The following HSF1 variants were observed in gnomAD, a reference collection of about 807,000 sequenced individuals.
HSF1 encodes heat shock transcription factor 1, also known as heat shock factor protein 1.
HSF1 carries 32 observed loss-of-function variants against 51.7 expected under a neutral mutation model. The ratio of observed to expected loss-of-function variants is 0.62; its 90% CI spans 0.47 to 0.83. HSF1 has a LOEUF of 0.83. HSF1 is among the 40% of genes least tolerant of loss of function. HSF1 has a pLI of 0.00. For synonymous variants in HSF1, 396 were observed against 309.7 expected, an observed-to-expected ratio of 1.28 and a Z score of -2.92; for missense variants, 727 against 717.0, an observed-to-expected ratio of 1.01 and a Z score of -0.16.
In HSF1 at chr8:144,291,940, G is replaced by A. The variant is rs1392007635; in HGVS notation, c.117+66G>A. On this transcript the variant is annotated intron_variant, in intron 1 of 12. Transcript: ENST00000528838. The surrounding 1 kb of genome is among the most constrained non-coding windows in gnomAD (Gnocchi z 4.1). ...AGGGAGCAGGGCCGCGGCGGACGGC[G>A]CGGGAGGGCTGCGGGGAGGGGCCCT... 9 of 849,322 alleles carry A rather than the reference G, an allele frequency of 1.1e-5. No individual in the cohort carries two copies. The highest frequency in any genetic ancestry group is 1.3e-5 in the Non-Finnish European group (8 of 607,968). The allele number at this position is 849,322 out of a possible 1,614,324, so 52.6% of individuals were successfully genotyped here.
At chr8:144,300,027 C>G (rs182300354) in intron 1 of HSF1, among the ~76,000 whole-genome samples, 33 of 152,286 alleles carry the variant, frequency 2.2e-4, no homozygotes, top group Admixed American at 3.9e-4. Context: ...TGAGATAGTT[C>G]CCCTTCGAGG....
chr8:144,299,361 C>G (rs1427166339), intron 1 of HSF1, among the ~76,000 whole-genome samples: 1 of 150,978 alleles, frequency 6.6e-6, no homozygotes, highest in Non-Finnish European at 1.5e-5. Flanking sequence ...CACATGAGCC[C>G]GGGAGGCAGA....
Position 144,291,867 on chromosome 8 carries a change from G to C in HSF1, c.110G>C (p.Trp37Ser). The C allele has an allele frequency of 6.5e-7, 1 of 1,533,838 alleles. No homozygotes were observed. Among genetic ancestry groups the C allele is most frequent in the Non-Finnish European group, 8.7e-7 (1 of 1,145,130 alleles). The change falls in exon 1 of 13, where the codon TGG (tryptophan) becomes TCG (serine). Residue 37 changes from tryptophan (W) to serine (S), a missense_variant. This residue lies in a region of HSF1 where 257 missense variants were observed against 318.3 expected (regional missense o/e 0.81). Transcript: ENST00000528838. The surrounding 1 kb of genome is among the most constrained non-coding windows in gnomAD (Gnocchi z 4.1). The stretch of plus-strand genomic sequence containing the variant: ...CCGGACACCGACGCGCTCATCTGCT[G>C]GAGCCCGGTGAGGGCAGCGCGCGGG... ...SDPDTDALICWSPSGNSFHVF... is the reference protein window; with the variant it reads ...SDPDTDALICSSPSGNSFHVF...
intron 1 of HSF1, among the ~76,000 whole-genome samples, chr8:144,302,923 G>A (rs190808297): frequency 2.0e-5 from 3 of 152,210 alleles, no homozygotes; most frequent in Non-Finnish European, 4.4e-5. Context: ...AGCATCGTTC[G>A]TTGTCAGAGG....
chr8:144,314,417 G>T lies in HSF1; in HGVS notation c.*87G>T. The T allele has an allele frequency of 8.3e-7, 1 of 1,202,238 alleles. No homozygotes were observed. Among genetic ancestry groups the T allele is most frequent in the East Asian group, 2.6e-5 (1 of 38,816 alleles). The allele number at this position is 1,202,238 out of a possible 1,614,324, so 74.5% of individuals were successfully genotyped here. On this transcript the variant is annotated 3_prime_UTR_variant, in exon 13 of 13. Transcript: ENST00000528838. Reference sequence around the variant, plus strand: ...GAGGCAGGGCAGCCTCGCGGTCTTGGGCACTGGTGGGTCGGCCGCCATAGC... The same window carrying T: ...GAGGCAGGGCAGCCTCGCGGTCTTGTGCACTGGTGGGTCGGCCGCCATAGC...
intron 1 of HSF1, among the ~76,000 whole-genome samples, chr8:144,302,942 C>T (rs1815993986): frequency 6.6e-6 from 1 of 152,054 alleles, no homozygotes; most frequent in Non-Finnish European, 1.5e-5. Flanking sequence ...GGAATGCACA[C>T]GAAAACCGCA....
intron 1 of HSF1, among the ~76,000 whole-genome samples, chr8:144,294,120 T>C (rs1224263634): frequency 1.3e-5 from 2 of 152,050 alleles, no homozygotes; most frequent in Non-Finnish European, 2.9e-5. Flanking sequence ...TGGCAATGGT[T>C]GGTGCAGGAC....
rs781862993 is a variant in HSF1, at chr8:144,309,864, G to A, written c.456G>A (p.Glu152=). ...TDVQLMKGKQ[E]CMDSKLLAMK... ...TGCAGCTGATGAAGGGGAAGCAGGA[G>A]TGCATGGACTCCAAGCTCCTGGCCA... Residue 152 remains glutamate (E), a synonymous_variant, in exon 4 of 13, where the codon GAG becomes GAA. Coordinates refer to ENST00000528838, the MANE Select transcript of HSF1 (RefSeq NM_005526.4). The A allele has an allele frequency of 4.4e-5, 71 of 1,613,788 alleles. No homozygotes were observed. Among genetic ancestry groups the A allele is most frequent in the Non-Finnish European group, 5.6e-5 (66 of 1,179,988 alleles).
At chr8:144,308,127 A>C (rs1386493038) in intron 1 of HSF1, among the ~76,000 whole-genome samples, 1 of 152,036 alleles carries the variant, frequency 6.6e-6, no homozygotes, top group African/African-American at 2.4e-5. Flanking sequence ...ACTGCCCTTC[A>C]CCAGTTTCTT....
chr8:144,313,681 GCCCCGC>G lies in HSF1; in HGVS notation c.1248+67_1248+72del, dbSNP rs1816916404. On this transcript the variant is annotated intron_variant, in intron 10 of 12. Transcript: ENST00000528838. ...CCCCGCCGCGCCGCCCCGCCTCCCC[GCCCCGC>G]CTCCCCGCCTCCCCGCGCCGCCGCC... 4.6e-4 allele frequency: 13 copies of G among 28,524 alleles called. 1 individual carries two copies. The highest frequency in any genetic ancestry group is 1.2e-3 in the African/African-American group (4 of 3,222). 1.8% of individuals were successfully genotyped at this position (28,524 alleles called of 1,614,324 possible).
rs1248070543 is a variant in HSF1, at chr8:144,297,727, G to A, written c.117+5853G>A. 2.0e-5 allele frequency among the ~76,000 whole-genome samples: 3 copies of A among 152,308 alleles called. No homozygotes were observed. Among genetic ancestry groups the A allele is most frequent in the African/African-American group, 2.4e-5 (1 of 41,566 alleles). Reference sequence around the variant, plus strand: ...CCGGAGAGGGAACAGCCGGCCAGCCGAGCCCAGGAGCCCAGATCACCGGTC... The same window carrying A: ...CCGGAGAGGGAACAGCCGGCCAGCCAAGCCCAGGAGCCCAGATCACCGGTC... On this transcript the variant is annotated intron_variant, in intron 1 of 12. Coordinates refer to ENST00000528838, the MANE Select transcript of HSF1 (RefSeq NM_005526.4). This position sits in a 1 kb window ranked among gnomAD's most constrained non-coding sequence, Gnocchi z 4.6.
rs553387928 is a variant in HSF1 at position 144,314,679 on chromosome 8, G to C, written c.*349G>C. 3.4e-6 allele frequency: 1 copy of C among 294,448 alleles called. No individual in the cohort carries two copies. Among genetic ancestry groups the C allele is most frequent in the Non-Finnish European group, 6.5e-6 (1 of 153,794 alleles). 18.2% of individuals were successfully genotyped at this position (294,448 alleles called of 1,614,324 possible). ...AGATATATACACACAGTGGATGGAC[G>C]GACAAGACAGGCAGAGATCTATAAA... On this transcript the variant is annotated 3_prime_UTR_variant, in exon 13 of 13. Transcript: ENST00000528838.
intron 1 of HSF1, among the ~76,000 whole-genome samples, chr8:144,305,723 ATTTTTT>A (rs146075122): frequency 1.3e-5 from 1 of 78,492 alleles, no homozygotes; most frequent in African/African-American, 5.4e-5. Context: ...CCTCTGGTTA[ATTTTTT>A]TTTTTTTTTT....
chr8:144,307,564 A>ACC (rs1816304086), intron 1 of HSF1, among the ~76,000 whole-genome samples: 1 of 152,084 alleles, frequency 6.6e-6, no homozygotes, highest in Admixed American at 6.6e-5. Flanking sequence ...ACATGGTGAA[A>ACC]CCCCATCTCT....
rs1816680452 is a variant in HSF1 at position 144,311,771 on chromosome 8, C to T, written c.795C>T (p.Ile265=). 3 of 1,612,852 alleles carry T rather than the reference C, an allele frequency of 1.9e-6. No individual in the cohort carries two copies. Among genetic ancestry groups the T allele is most frequent in the Non-Finnish European group, 2.5e-6 (3 of 1,179,834 alleles). ...CTGTGGCCAGCTCTGGACCCATCAT[C>T]TCCGACATCACCGAGCTGGCTCCTG... is the stretch of plus-strand genomic sequence containing the variant. The part of the protein sequence containing the change: ...PDAVASSGPI[I]SDITELAPAS... The change falls in exon 8 of 13, where the codon ATC becomes ATT. Residue 265 remains isoleucine (I), a synonymous_variant. Coordinates refer to ENST00000528838, the MANE Select transcript of HSF1 (RefSeq NM_005526.4).
At position 144,291,814 on chromosome 8, in the gene HSF1, G is replaced by A. The variant is rs782766056; in HGVS notation, c.57G>A (p.Leu19=). ...GGCCCAGCAACGTCCCGGCCTTCCT[G>A]ACCAAGCTGTGGACCCTCGTGAGCG... The part of the protein sequence containing the change: ...AAGPSNVPAF[L]TKLWTLVSDP... Residue 19 remains leucine (L), a synonymous_variant, in exon 1 of 13, where the codon CTG becomes CTA. Transcript: ENST00000528838. This position sits in a 1 kb window ranked among gnomAD's most constrained non-coding sequence, Gnocchi z 4.1. The A allele has an allele frequency of 1.9e-6, 3 of 1,557,560 alleles. No homozygotes were observed. Among genetic ancestry groups the A allele is most frequent in the African/African-American group, 1.4e-5 (1 of 70,302 alleles).
chr8:144,314,092 C>T, intron 12 of HSF1, 33 bp from the exon 13 acceptor site: 2 of 1,377,770 alleles, frequency 1.5e-6, no homozygotes, highest in Non-Finnish European at 2.0e-6. Flanking sequence ...CTGCCCCCAA[C>T]CCCCCACCGC....
chr8:144,300,377 C>T (rs373830248), intron 1 of HSF1, among the ~76,000 whole-genome samples: 4 of 152,092 alleles, frequency 2.6e-5, no homozygotes, highest in East Asian at 1.9e-4. Flanking sequence ...CCACCTCGCC[C>T]GGCTAATTTT....
At chr8:144,305,722 A>ATTT (rs1816171181) in intron 1 of HSF1, among the ~76,000 whole-genome samples, 1 of 78,176 alleles carries the variant, frequency 1.3e-5, no homozygotes, top group Non-Finnish European at 2.8e-5. Flanking sequence ...CCCTCTGGTT[A>ATTT]ATTTTTTTTT....
Sources: allele counts gnomAD v4.1 joint callset (sites outside exome capture counted in the v4.1 genomes callset), GRCh38; gene constraint gnomAD v4.1.1; regional missense constraint gnomAD v4.1.1; non-coding constraint Gnocchi (gnomAD v3.1); transcripts MANE v1.5; gene names NCBI Gene and HGNC (gene_info 2026-07-23, HGNC 2026-07-21).